Variants in WNT8B observed in about 807,000 individuals in gnomAD.
WNT8B encodes the protein protein Wnt-8b.
WNT8B carries 24 observed loss-of-function variants against 36.6 expected under a neutral mutation model. The observed-to-expected ratio is 0.66, with a 90% CI of 0.48 to 0.92. The LOEUF (loss-of-function observed/expected upper bound fraction) is 0.92. Among genes scored for constraint, WNT8B ranks in the 40% least tolerant of loss-of-function variants. The pLI is 0.00. For synonymous variants in WNT8B, 199 were observed against 189.8 expected, an observed-to-expected ratio of 1.05 and a Z score of -0.40; for missense variants, 402 against 470.8, an observed-to-expected ratio of 0.85 and a Z score of 1.35.
chr10:100,465,381 A>AGAT (rs1324381594), intron 1 of WNT8B, among the ~76,000 whole-genome samples: 2 of 152,190 alleles, frequency 1.3e-5, no homozygotes, highest in East Asian at 3.9e-4. Flanking sequence ...TAAGCCAAGC[A>AGAT]GATGATGATG....
Position 100,479,099 on chromosome 10 carries a change from C to A in WNT8B, c.102+14C>A, listed in dbSNP as rs1851077337. The A allele has an allele frequency of 6.3e-7, 1 of 1,592,910 alleles. No homozygotes were observed. The highest frequency in any genetic ancestry group is 8.5e-7 in the Non-Finnish European group (1 of 1,173,416). On this transcript the variant is annotated intron_variant, in intron 2 of 5. Coordinates refer to ENST00000343737, the MANE Select transcript of WNT8B (RefSeq NM_003393.4). ...ACTGGTCCAAAGGTAAGAACAAATT[C>A]CATTAATTGATATGGATTTCACTAA...
At chr10:100,464,382 T>C (rs1850888757) in intron 1 of WNT8B, among the ~76,000 whole-genome samples, 1 of 152,166 alleles carries the variant, frequency 6.6e-6, no homozygotes, top group African/African-American at 2.4e-5. Context: ...GTCTCTCTTC[T>C]CTCCCCCTCA....
In WNT8B at chr10:100,475,488, C is replaced by T. The variant is rs139396194; in HGVS notation, c.69-3564C>T. Among the ~76,000 whole-genome samples, 1,104 of 152,308 alleles carry T rather than the reference C, an allele frequency of 7.2e-3. 14 individuals are homozygous for T. Among genetic ancestry groups the T allele is most frequent in the African/African-American group, 0.025 (1,029 of 41,562 alleles). Reference sequence around the variant, plus strand: ...TCATTCATTGATCAGTTGGGCTTGACCTGGATATCATACAAATCTTTGCAT... The same window carrying T: ...TCATTCATTGATCAGTTGGGCTTGATCTGGATATCATACAAATCTTTGCAT... On this transcript the variant is annotated intron_variant, in intron 1 of 5. Coordinates refer to ENST00000343737, the MANE Select transcript of WNT8B (RefSeq NM_003393.4).
At chr10:100,477,621 GA>G (rs1851054990) in intron 1 of WNT8B, among the ~76,000 whole-genome samples, 1 of 152,104 alleles carries the variant, frequency 6.6e-6, no homozygotes, top group Non-Finnish European at 1.5e-5. Flanking sequence ...ACTACCCTTT[GA>G]AGGACATTGG....
chr10:100,479,894 C>T lies in WNT8B; in HGVS notation c.123C>T (p.Ser41=). Residue 41 remains serine (S), a synonymous_variant, in exon 3 of 6, where the codon AGC becomes AGT. Coordinates refer to ENST00000343737, the MANE Select transcript of WNT8B (RefSeq NM_003393.4). ...TACAGGCTTACCTGATTTACTCCAG[C>T]AGTGTGGCAGCTGGTGCCCAGAGTG... ...TGPKAYLIYS[S]SVAAGAQSGI... 6.2e-7 allele frequency: 1 copy of T among 1,614,040 alleles called. No homozygotes were observed. The highest frequency in any genetic ancestry group is 8.5e-7 in the Non-Finnish European group (1 of 1,179,938).
rs749920851 is a variant in WNT8B, at chr10:100,482,040, G to A, written c.496G>A (p.Glu166Lys). 5 of 1,614,190 alleles carry A rather than the reference G, an allele frequency of 3.1e-6. No homozygotes were observed. The highest frequency in any genetic ancestry group is 1.1e-5 in the South Asian group (1 of 91,082). Residue 166 changes from glutamate to lysine, a missense_variant, in exon 5 of 6, where the codon GAG (glutamate) becomes AAG (lysine). Coordinates refer to ENST00000343737, the MANE Select transcript of WNT8B (RefSeq NM_003393.4). This position sits in a 1 kb window ranked among gnomAD's most constrained non-coding sequence, Gnocchi z 6.6. ...ARAAMNLHNN[E>K]AGRKAVKGTM... ...GGCAGCCATGAACCTGCACAACAAC[G>A]AGGCTGGCCGCAAGGTGAGTCCCGC...
At chr10:100,480,041 G>C (rs1851090639) in intron 3 of WNT8B, 29 bp downstream of exon 3, 1 of 1,609,436 alleles carries the variant, frequency 6.2e-7, no homozygotes, top group Non-Finnish European at 8.5e-7. Flanking sequence ...ACAGCTCCCT[G>C]GACCCTCTGG....
chr10:100,476,899 A>G (rs1017512672), intron 1 of WNT8B, among the ~76,000 whole-genome samples: 23 of 152,228 alleles, frequency 1.5e-4, no homozygotes, highest in African/African-American at 5.1e-4. Context: ...TTCAGACTTC[A>G]CCATTTTTAC....
In WNT8B at chr10:100,483,111, C is replaced by T. The variant is rs1589726913; in HGVS notation, c.*295C>T. ...AGGTGTTCCTCCTCCCCTCTCCTAG[C>T]AGCCCTAATGTCTGACCTAGCCTAT... On this transcript the variant is annotated 3_prime_UTR_variant, in exon 6 of 6. Transcript: ENST00000343737. 5.3e-6 allele frequency: 2 copies of T among 373,954 alleles called. No homozygotes were observed. Among genetic ancestry groups the T allele is most frequent in the East Asian group, 8.7e-5 (2 of 22,934 alleles). The allele number at this position is 373,954 out of a possible 1,614,324, so 23.2% of individuals were successfully genotyped here.
chr10:100,479,955 C>T lies in WNT8B; in HGVS notation c.184C>T (p.Arg62Cys), dbSNP rs1428736297. 5.6e-6 allele frequency: 9 copies of T among 1,613,930 alleles called. No homozygotes were observed. The highest frequency in any genetic ancestry group is 2.2e-5 in the East Asian group (1 of 44,866). The part of the protein sequence containing the change: ...EECKYQFAWD[R>C]WNCPERALQL... Reference sequence around the variant, plus strand: ...ATGCAAGTATCAGTTTGCCTGGGACCGCTGGAACTGCCCTGAGAGAGCCCT... The same window carrying T: ...ATGCAAGTATCAGTTTGCCTGGGACTGCTGGAACTGCCCTGAGAGAGCCCT... The change falls in exon 3 of 6, where the codon CGC (arginine) becomes TGC (cysteine). Residue 62 changes from arginine (R) to cysteine (C), a missense_variant. Transcript: ENST00000343737.
chr10:100,480,794 C>T (rs1851100002), intron 3 of WNT8B, among the ~76,000 whole-genome samples: 1 of 151,892 alleles, frequency 6.6e-6, no homozygotes, highest in Non-Finnish European at 1.5e-5. Context: ...AGACTGAGCC[C>T]AGAGTTTGAG....
intron 1 of WNT8B, among the ~76,000 whole-genome samples, chr10:100,478,382 AC>A (rs1477322301): frequency 6.6e-6 from 1 of 152,180 alleles, no homozygotes; most frequent in Non-Finnish European, 1.5e-5. Context: ...AACAAGATCA[AC>A]ATGTAAAATA....
intron 2 of WNT8B, among the ~76,000 whole-genome samples, chr10:100,479,362 G>A (rs559495010): frequency 6.6e-6 from 1 of 152,158 alleles, no homozygotes; most frequent in Admixed American, 6.5e-5. Flanking sequence ...AGGCTGCAAA[G>A]TCACACATCC....
At chr10:100,471,856 G>A (rs1041461121) in intron 1 of WNT8B, among the ~76,000 whole-genome samples, 2 of 152,002 alleles carry the variant, frequency 1.3e-5, no homozygotes, top group African/African-American at 2.4e-5. Context: ...AAAGTACATG[G>A]TCAGTCCTGG....
intron 1 of WNT8B, among the ~76,000 whole-genome samples, chr10:100,471,261 C>T (rs1196208520): frequency 6.6e-6 from 1 of 152,166 alleles, no homozygotes; most frequent in African/African-American, 2.4e-5. Context: ...AAAACATATC[C>T]CTGTCATGAA....
intron 1 of WNT8B, among the ~76,000 whole-genome samples, chr10:100,465,814 T>C (rs995180001): frequency 6.6e-6 from 1 of 152,200 alleles, no homozygotes; most frequent in African/African-American, 2.4e-5. Flanking sequence ...GAGTAACCTT[T>C]CTATGGCTCT....
intron 1 of WNT8B, among the ~76,000 whole-genome samples, chr10:100,471,365 G>C (rs1353153346): frequency 2.6e-5 from 4 of 152,236 alleles, no homozygotes; most frequent in Non-Finnish European, 5.9e-5. Flanking sequence ...AGTGTGAGCA[G>C]CAACAGTGCC....
At position 100,482,932 on chromosome 10, in the gene WNT8B, G is replaced by A; in HGVS notation, c.*116G>A. On this transcript the variant is annotated 3_prime_UTR_variant, in exon 6 of 6. Transcript: ENST00000343737. The surrounding 1 kb of genome is among the most constrained non-coding windows in gnomAD (Gnocchi z 6.6). ...TCTCCCAGACCTAGGGATCCTGAGA[G>A]GGAGAGACTGCAATTTCTCCAAAGC... The A allele has an allele frequency of 8.5e-7, 1 of 1,178,698 alleles. No individual in the cohort carries two copies. The highest frequency in any genetic ancestry group is 1.8e-5 in the South Asian group (1 of 56,294). 73.0% of individuals were successfully genotyped at this position (1,178,698 alleles called of 1,614,324 possible).
At chr10:100,478,780 C>T (rs1851073039) in intron 1 of WNT8B, among the ~76,000 whole-genome samples, 1 of 152,064 alleles carries the variant, frequency 6.6e-6, no homozygotes. Flanking sequence ...CGGGGTTTCA[C>T]TATGTTTGGC....
Sources: allele counts gnomAD v4.1 joint callset (sites outside exome capture counted in the v4.1 genomes callset), GRCh38; gene constraint gnomAD v4.1.1; non-coding constraint Gnocchi (gnomAD v3.1); transcripts MANE v1.5; gene names NCBI Gene and HGNC (gene_info 2026-07-23, HGNC 2026-07-21).